TXNDC9: variants seen among roughly 807,000 people sequenced by gnomAD.
TXNDC9 encodes thioredoxin domain containing 9, also known as thioredoxin domain-containing protein 9.
A neutral mutation model predicts 23.0 loss-of-function variants in TXNDC9; 7 were observed. The ratio of observed to expected loss-of-function variants is 0.30; its 90% CI spans 0.17 to 0.57. The LOEUF (loss-of-function observed/expected upper bound fraction) is 0.57. Among genes scored for constraint, TXNDC9 ranks in the 20% least tolerant of loss-of-function variants. TXNDC9 has a pLI of 0.90. For missense variants in TXNDC9, 198 were observed against 252.6 expected (o/e 0.78, Z 1.47); for synonymous variants, 72 against 90.6 (o/e 0.79, Z 1.17).
At chr2:99,322,297 G>T (rs1407721357) in intron 3 of TXNDC9, 88 bp from the exon 4 acceptor site, 28 of 1,493,756 alleles carry the variant, frequency 1.9e-5, no homozygotes, top group Non-Finnish European at 2.3e-5. Context: ...ATCTAATTAT[G>T]TAGTTTTTCT....
intron 3 of TXNDC9, among the ~76,000 whole-genome samples, chr2:99,325,164 A>G (rs980280517): frequency 1.3e-5 from 2 of 152,240 alleles, no homozygotes; most frequent in African/African-American, 4.8e-5. Flanking sequence ...AAAGGATAAA[A>G]GCTTGAGGTG....
Position 99,326,009 on chromosome 2 carries a change from T to G in TXNDC9, c.308+1526A>C, listed in dbSNP as rs527279866. ...CTGGGTGACAGTGTAAGACTCTGTCTCAAAAACAAAAAAAAACAACAAAAA... is the reference window on the plus strand; with the variant it reads ...CTGGGTGACAGTGTAAGACTCTGTCGCAAAAACAAAAAAAAACAACAAAAA... On this transcript the variant is annotated intron_variant, in intron 3 of 4. Transcript: ENST00000264255. Among the ~76,000 whole-genome samples, 16 of 149,936 alleles carry G rather than the reference T, an allele frequency of 1.1e-4. No homozygotes were observed. The South Asian group carries it at 3.4e-3, about 32-fold the overall frequency.
rs1196461354 is a variant in TXNDC9 at position 99,319,684 on chromosome 2, AATC to A, written c.676_678del (p.Asp226del). The A allele has an allele frequency of 5.1e-6, 8 of 1,561,216 alleles. No individual in the cohort carries two copies. Among genetic ancestry groups the A allele is most frequent in the East Asian group, 2.2e-5 (1 of 44,480 alleles). On this transcript the variant is annotated inframe_deletion, in exon 5 of 5. Coordinates refer to ENST00000264255, the MANE Select transcript of TXNDC9 (RefSeq NM_005783.4). The stretch of plus-strand genomic sequence containing the variant: ...AATTTACAAAGAATTATTGAGCTCT[AATC>A]ATCATCAGAGTCTGAATCATATTTC...
At position 99,319,053 on chromosome 2, in the gene TXNDC9, G is replaced by A. The variant is rs2094195671; in HGVS notation, c.*629C>T. The A allele has an allele frequency of 6.6e-6, 1 of 152,214 alleles. No individual in the cohort carries two copies. The highest frequency in any genetic ancestry group is 2.4e-5 in the African/African-American group (1 of 41,454). 9.4% of individuals were successfully genotyped at this position (152,214 alleles called of 1,614,324 possible). ...AGTTACAGGTATTTTATTGAGCAGAGACAGTGAAGTTCCTTATGCTGTTAT... is the reference window on the plus strand; with the variant it reads ...AGTTACAGGTATTTTATTGAGCAGAAACAGTGAAGTTCCTTATGCTGTTAT... On this transcript the variant is annotated 3_prime_UTR_variant, in exon 5 of 5. Coordinates refer to ENST00000264255, the MANE Select transcript of TXNDC9 (RefSeq NM_005783.4).
Position 99,327,517 on chromosome 2 carries a change from A to C in TXNDC9, c.308+18T>G. 6.5e-7 allele frequency: 1 copy of C among 1,542,154 alleles called. No homozygotes were observed. Among genetic ancestry groups the C allele is most frequent in the Non-Finnish European group, 9.0e-7 (1 of 1,116,872 alleles). ...ACTGTGTTTTTTTAGAAAAAGTCACAGATGGAAACAAAGTTACCTGAATGT... is the reference window on the plus strand; with the variant it reads ...ACTGTGTTTTTTTAGAAAAAGTCACCGATGGAAACAAAGTTACCTGAATGT... On this transcript the variant is annotated intron_variant, in intron 3 of 4. Coordinates refer to ENST00000264255, the MANE Select transcript of TXNDC9 (RefSeq NM_005783.4).
At chr2:99,309,586 C>A in the TXNDC9 span, among the ~76,000 whole-genome samples, 1 of 151,920 alleles carries the variant, frequency 6.6e-6, no homozygotes, top group Admixed American at 6.6e-5. Flanking sequence ...GTAATCCCAG[C>A]ACTTTGGGAG....
At chr2:99,334,538 T>C (rs1241315022) in intron 1 of TXNDC9, among the ~76,000 whole-genome samples, 2 of 152,206 alleles carry the variant, frequency 1.3e-5, no homozygotes, top group Non-Finnish European at 2.9e-5. Context: ...CTGTACAGCA[T>C]GTTACTGTAC....
At chr2:99,328,484 A>G (rs2094217922) in intron 2 of TXNDC9, among the ~76,000 whole-genome samples, 1 of 152,132 alleles carries the variant, frequency 6.6e-6, no homozygotes, top group Non-Finnish European at 1.5e-5. Context: ...CGGACAGTGA[A>G]CGTCTCCACA....
At chr2:99,330,512 G>GTATCTGC (rs2094222315) in intron 2 of TXNDC9, among the ~76,000 whole-genome samples, 1 of 151,878 alleles carries the variant, frequency 6.6e-6, no homozygotes, top group Admixed American at 6.6e-5. Context: ...TGCTCCTAAG[G>GTATCTGC]TATCTGCAGA....
At chr2:99,316,955 ACG>A, downstream of TXNDC9, among the ~76,000 whole-genome samples, 1 of 152,228 alleles carries the variant, frequency 6.6e-6, no homozygotes, top group East Asian at 1.9e-4. Context: ...ACGGGGTTTC[ACG>A]GTGTTAGCCA....
chr2:99,331,298 G>A (rs2094224795), intron 2 of TXNDC9, among the ~76,000 whole-genome samples: 2 of 152,004 alleles, frequency 1.3e-5, no homozygotes, highest in South Asian at 4.1e-4. Context: ...ATTGGGCCTG[G>A]TGTGGGGTGG....
intron 3 of TXNDC9, 159 bp from the exon 4 acceptor site, chr2:99,322,368 C>G: frequency 8.1e-7 from 1 of 1,231,968 alleles, no homozygotes; most frequent in Non-Finnish European, 1.1e-6. Flanking sequence ...ACTTCCAGAT[C>G]AGAGGTTAGC....
At position 99,327,536 on chromosome 2, in the gene TXNDC9, T is replaced by C. The variant is rs765764832; in HGVS notation, c.307A>G (p.Arg103Gly). Reference sequence around the variant, plus strand: ...AGTCACAGATGGAAACAAAGTTACCTGAATGTGGAGTCTCTGTAGAAATGG... The same window carrying C: ...AGTCACAGATGGAAACAAAGTTACCCGAATGTGGAGTCTCTGTAGAAATGG... ...VCHFYRDSTF[R>G]CKILDRHLAI... Residue 103 changes from arginine to glycine, a missense_variant and splice_region_variant, in exon 3 of 5, where the codon AGG (arginine) becomes GGG (glycine). Transcript: ENST00000264255. 2 of 1,602,312 alleles carry C rather than the reference T, an allele frequency of 1.2e-6. No homozygotes were observed. Among genetic ancestry groups the C allele is most frequent in the Non-Finnish European group, 1.7e-6 (2 of 1,171,004 alleles).
the TXNDC9 span, among the ~76,000 whole-genome samples, chr2:99,311,948 T>TA: frequency 1.0e-4 from 14 of 134,656 alleles, no homozygotes; most frequent in African/African-American, 3.3e-4. Flanking sequence ...TCCTGTATAA[T>TA]AAAAAAGGAA....
chr2:99,311,684 C>T, the TXNDC9 span, among the ~76,000 whole-genome samples: 1 of 152,190 alleles, frequency 6.6e-6, no homozygotes, highest in African/African-American at 2.4e-5. Context: ...TCAGGCTGGT[C>T]TCGAACTCCT....
At chr2:99,309,517 A>AAAAAG in the TXNDC9 span, among the ~76,000 whole-genome samples, 2 of 152,072 alleles carry the variant, frequency 1.3e-5, no homozygotes, top group African/African-American at 4.8e-5. Context: ...TCAATTAAAA[A>AAAAAG]AAAAGAAAAG....
chr2:99,310,986 T>A, the TXNDC9 span, among the ~76,000 whole-genome samples: 30 of 152,132 alleles, frequency 2.0e-4, no homozygotes, highest in Non-Finnish European at 3.8e-4. Context: ...TCAGAATTTT[T>A]CCCTTTACTT....
intron 3 of TXNDC9, among the ~76,000 whole-genome samples, chr2:99,323,899 G>A (rs554662063): frequency 1.6e-4 from 25 of 152,256 alleles, no homozygotes; most frequent in Non-Finnish European, 3.1e-4. Context: ...AGGCTGCAGT[G>A]CAGTGGCGCG....
intron 1 of TXNDC9, among the ~76,000 whole-genome samples, chr2:99,335,010 C>T (rs1355538295): frequency 3.3e-5 from 5 of 152,152 alleles, no homozygotes; most frequent in Non-Finnish European, 5.9e-5. Flanking sequence ...CAGCCGCGCC[C>T]GGCCAAAATT....
Sources: gnomAD v4.1 joint callset for allele counts (sites outside exome capture counted in the v4.1 genomes callset) on GRCh38, gnomAD v4.1.1 for gene constraint, MANE v1.5 for transcripts, NCBI Gene and HGNC (gene_info 2026-07-23, HGNC 2026-07-21) for gene names.